The following PPIC variants were observed in gnomAD, a reference collection of about 807,000 sequenced individuals.
The protein encoded by PPIC is peptidylprolyl isomerase C, also known as peptidyl-prolyl cis-trans isomerase C.
Under a neutral mutation model 19.5 loss-of-function variants are expected in PPIC, and 19 were observed. That is an observed-to-expected ratio of 0.98 (90% CI 0.68 to 1.43). The LOEUF is 1.43. PPIC is among the 40% of genes most tolerant of loss of function. The pLI is 0.00. For missense variants in PPIC, 268 were observed against 268.6 expected, an observed-to-expected ratio of 1.00 and a Z score of 0.02; for synonymous variants, 107 against 101.2, an observed-to-expected ratio of 1.06 and a Z score of -0.34.
intron 1 of PPIC, among the ~76,000 whole-genome samples, chr5:123,031,263 T>G (rs1278628081): frequency 1.3e-5 from 2 of 152,108 alleles, no homozygotes; most frequent in East Asian, 3.8e-4. Flanking sequence ...TAAGGCAGTT[T>G]AAAATAAAGA....
intron 2 of PPIC, 27 bp from the exon 3 acceptor site, chr5:123,028,895 C>G: frequency 2.6e-6 from 4 of 1,532,538 alleles, no homozygotes; most frequent in Non-Finnish European, 3.6e-6. Flanking sequence ...AGTTGAATAA[C>G]AAGTAACAGA....
Position 123,033,717 on chromosome 5 carries a change from A to G in PPIC, c.117+2792T>C, listed in dbSNP as rs564533327. ...TAGGGATGATTTCTATCTCCATTTGACAAAGGAGGAAACTGAGCTGTGGAC... is the reference window on the plus strand; with the variant it reads ...TAGGGATGATTTCTATCTCCATTTGGCAAAGGAGGAAACTGAGCTGTGGAC... On this transcript the variant is annotated intron_variant, in intron 1 of 4. Transcript: ENST00000306442. Among the ~76,000 whole-genome samples the G allele has an allele frequency of 2.6e-5, 4 of 152,364 alleles. No homozygotes were observed. The East Asian group carries it at 5.8e-4, about 22-fold the overall frequency.
chr5:123,025,790 A>G lies in PPIC; in HGVS notation c.504T>C (p.Asp168=). 1 of 1,612,898 alleles carries G rather than the reference A, an allele frequency of 6.2e-7. No homozygotes were observed. The highest frequency in any genetic ancestry group is 1.1e-5 in the South Asian group (1 of 90,494). The change falls in exon 4 of 5, where the codon GAT becomes GAC. Residue 168 remains aspartate, a synonymous_variant. Transcript: ENST00000306442. ...GKHVVFGKVI[D]GMTVVHSIEL... ...AAAAAATGTATCAATTTACCATCCC[A>G]TCAATGACTTTTCCAAACACCACAT...
intron 3 of PPIC, among the ~76,000 whole-genome samples, chr5:123,026,903 C>A (rs1762863954): frequency 6.6e-6 from 1 of 152,078 alleles, no homozygotes; most frequent in African/African-American, 2.4e-5. Context: ...AGTTAGAAAA[C>A]CCAGAAGTAG....
At chr5:123,035,796 G>A (rs1373708814) in intron 1 of PPIC, among the ~76,000 whole-genome samples, 1 of 152,160 alleles carries the variant, frequency 6.6e-6, no homozygotes, top group Admixed American at 6.5e-5. Flanking sequence ...TTAAGTACGA[G>A]GAAGCCTTAA....
intron 4 of PPIC, 89 bp downstream of exon 4, chr5:123,025,695 A>T: frequency 2.2e-6 from 3 of 1,357,660 alleles, no homozygotes; most frequent in Non-Finnish European, 3.1e-6. Context: ...TGGATCTCTA[A>T]CAAGCATATT....
At chr5:123,035,058 C>T (rs1561754727) in intron 1 of PPIC, among the ~76,000 whole-genome samples, 1 of 152,192 alleles carries the variant, frequency 6.6e-6, no homozygotes, top group Admixed American at 6.5e-5. Context: ...TGTGTGATTC[C>T]GCTGCTGCTC....
chr5:123,035,951 G>C (rs1402368702), intron 1 of PPIC, among the ~76,000 whole-genome samples: 3 of 151,974 alleles, frequency 2.0e-5, no homozygotes, highest in African/African-American at 4.8e-5. Context: ...TCCCCTTCCC[G>C]GGAAGGACGA....
intron 4 of PPIC, among the ~76,000 whole-genome samples, chr5:123,025,415 C>A (rs992830786): frequency 1.3e-5 from 2 of 152,130 alleles, no homozygotes; most frequent in Non-Finnish European, 2.9e-5. Context: ...TGTCTTCCTA[C>A]GACTGGTTTA....
chr5:123,024,126 GT>G, intron 4 of PPIC, 123 bp from the exon 5 acceptor site: 4 of 1,123,430 alleles, frequency 3.6e-6, no homozygotes, highest in Non-Finnish European at 4.8e-6. Context: ...TGGTTGGTTG[GT>G]TTTTTATGAC....
At position 123,036,468 on chromosome 5, in the gene PPIC, G is replaced by T; in HGVS notation, c.117+41C>A. The T allele has an allele frequency of 6.4e-7, 1 of 1,557,806 alleles. No individual in the cohort carries two copies. The highest frequency in any genetic ancestry group is 8.8e-7 in the Non-Finnish European group (1 of 1,140,434). On this transcript the variant is annotated intron_variant, in intron 1 of 4. Transcript: ENST00000306442. This position sits in a 1 kb window ranked among gnomAD's most constrained non-coding sequence, Gnocchi z 4.5. ...GTATCCAAAGCGCCCCCAGGGCCCCGCCCGCAACAGGGGAAGTTGCAGCCC... is the reference window on the plus strand; with the variant it reads ...GTATCCAAAGCGCCCCCAGGGCCCCTCCCGCAACAGGGGAAGTTGCAGCCC...
chr5:123,030,222 T>C (rs1415004846), intron 1 of PPIC, among the ~76,000 whole-genome samples: 1 of 152,216 alleles, frequency 6.6e-6, no homozygotes, highest in East Asian at 1.9e-4. Context: ...ATCCACCTTT[T>C]GCAGGTAAAA....
intron 1 of PPIC, among the ~76,000 whole-genome samples, chr5:123,035,509 A>G (rs898767105): frequency 6.6e-6 from 1 of 151,286 alleles, no homozygotes; most frequent in East Asian, 1.9e-4. Context: ...CCTCCTCCCC[A>G]CCCCCTAGTC....
chr5:123,025,619 C>T (rs1762839543), intron 4 of PPIC, among the ~76,000 whole-genome samples, 165 bp downstream of exon 4: 1 of 152,116 alleles, frequency 6.6e-6, no homozygotes, highest in African/African-American at 2.4e-5. Context: ...GCCAATGACC[C>T]TAAGAATTAA....
chr5:123,031,386 G>A (rs1450627836), intron 1 of PPIC, among the ~76,000 whole-genome samples: 3 of 152,216 alleles, frequency 2.0e-5, no homozygotes, highest in Non-Finnish European at 4.4e-5. Context: ...AAGGCTTGAA[G>A]GGAGGCAGGC....
Position 123,035,830 on chromosome 5 carries a change from C to A in PPIC, c.117+679G>T, listed in dbSNP as rs189086862. On this transcript the variant is annotated intron_variant, in intron 1 of 4. Coordinates refer to ENST00000306442, the MANE Select transcript of PPIC (RefSeq NM_000943.5). ...AAAGACGCACTTTCTGGCAGCCCCC[C>A]GCCCCCTTTCCCCGCAGTGGAGGCT... 3.7e-3 allele frequency among the ~76,000 whole-genome samples: 570 copies of A among 152,318 alleles called. 7 individuals carry two copies. Among genetic ancestry groups the A allele is most frequent in the African/African-American group, 0.013 (548 of 41,586 alleles).
At chr5:123,024,792 G>A (rs941416189) in intron 4 of PPIC, among the ~76,000 whole-genome samples, 4 of 152,186 alleles carry the variant, frequency 2.6e-5, no homozygotes, top group African/African-American at 9.7e-5. Context: ...GGTAGAATAA[G>A]TCACATGAAA....
intron 1 of PPIC, among the ~76,000 whole-genome samples, chr5:123,034,732 C>G (rs929996142): frequency 6.6e-6 from 1 of 152,140 alleles, no homozygotes; most frequent in East Asian, 1.9e-4. Context: ...ATCCTATTCC[C>G]TCTCCCTCGC....
intron 1 of PPIC, among the ~76,000 whole-genome samples, chr5:123,029,929 C>T (rs1292579024): frequency 6.6e-6 from 1 of 152,166 alleles, no homozygotes; most frequent in Non-Finnish European, 1.5e-5. Flanking sequence ...AATGAGTTCT[C>T]AATAGATGTC....
Sources: gnomAD v4.1 joint callset for allele counts (sites outside exome capture counted in the v4.1 genomes callset) on GRCh38, gnomAD v4.1.1 for gene constraint, Gnocchi (gnomAD v3.1) non-coding constraint, MANE v1.5 for transcripts, NCBI Gene and HGNC (gene_info 2026-07-23, HGNC 2026-07-21) for gene names.